LUZP2: variants seen among roughly 807,000 people sequenced by gnomAD.
LUZP2 encodes leucine zipper protein 2.
LUZP2 carries 52 observed loss-of-function variants against 51.6 expected under a neutral mutation model. That is an observed-to-expected ratio of 1.01 (90% confidence interval 0.81 to 1.27). The LOEUF (loss-of-function observed/expected upper bound fraction) is 1.27, where lower values mean the gene tolerates loss of function less well. Ranked by LOEUF, LUZP2 falls within the 50% of genes most tolerant of loss-of-function variation. The pLI, the probability that LUZP2 is intolerant of heterozygous loss-of-function variation, is 0.00. For missense variants in LUZP2, 436 were observed against 395.4 expected (o/e 1.10, Z -0.87); for synonymous variants, 154 against 137.3 (o/e 1.12, Z -0.85).
chr11:24,887,134 C>T (rs1852691872), intron 5 of LUZP2, among the ~76,000 whole-genome samples: 1 of 152,106 alleles, frequency 6.6e-6, no homozygotes, highest in Admixed American at 6.6e-5. Context: ...CGCTATGGAC[C>T]TTGTGTTTTC....
chr11:24,597,119 C>T (rs148242564), intron 1 of LUZP2, among the ~76,000 whole-genome samples: 6 of 151,968 alleles, frequency 3.9e-5, no homozygotes, highest in South Asian at 2.1e-4. Context: ...TTGTGCATTA[C>T]GAAGGAGTAA....
intron 1 of LUZP2, among the ~76,000 whole-genome samples, chr11:24,607,047 T>C (rs2133878387): frequency 6.6e-6 from 1 of 152,190 alleles, no homozygotes; most frequent in South Asian, 2.1e-4. Context: ...TGGATGTTAA[T>C]CTCTTATCAG....
chr11:24,958,450 T>A (rs935113271), intron 7 of LUZP2, among the ~76,000 whole-genome samples: 12 of 152,178 alleles, frequency 7.9e-5, no homozygotes, highest in African/African-American at 2.7e-4. Flanking sequence ...CCATTCTAAC[T>A]GGTGTGAGAT....
chr11:25,023,580 C>A (rs576038313), intron 9 of LUZP2, among the ~76,000 whole-genome samples: 1 of 135,270 alleles, frequency 7.4e-6, no homozygotes, highest in African/African-American at 3.0e-5. Flanking sequence ...TTCAAAAAAA[C>A]CAGCTCCTGG....
intron 5 of LUZP2, 59 bp downstream of exon 5, chr11:24,763,367 A>C (rs1860056140): frequency 2.5e-6 from 2 of 794,760 alleles, no homozygotes; most frequent in Non-Finnish European, 3.7e-6. Context: ...ACATAAATGC[A>C]CATATAAAGT....
chr11:25,051,298 C>G (rs1321797983), intron 10 of LUZP2, among the ~76,000 whole-genome samples: 1 of 148,922 alleles, frequency 6.7e-6, no homozygotes, highest in Non-Finnish European at 1.5e-5. Flanking sequence ...GCCTGGGCGA[C>G]AGAGCGAGAC....
intron 1 of LUZP2, among the ~76,000 whole-genome samples, chr11:24,666,220 G>T (rs1024481499): frequency 3.9e-5 from 6 of 152,094 alleles, no homozygotes; most frequent in African/African-American, 1.4e-4. Context: ...AAGGAAAGTC[G>T]ATCAATGGGA....
At chr11:24,869,153 A>C (rs553824979) in intron 5 of LUZP2, among the ~76,000 whole-genome samples, 4 of 152,284 alleles carry the variant, frequency 2.6e-5, no homozygotes, top group Middle Eastern at 6.8e-3. Context: ...TCTGCTTGAT[A>C]CATACCATCA....
chr11:24,893,502 T>TA, intron 5 of LUZP2, among the ~76,000 whole-genome samples: 1 of 152,206 alleles, frequency 6.6e-6, no homozygotes, highest in Non-Finnish European at 1.5e-5. Flanking sequence ...TTAGGGATAT[T>TA]AAATTTTATT....
At chr11:24,836,723 G>A (rs191344027) in intron 5 of LUZP2, among the ~76,000 whole-genome samples, 21 of 151,876 alleles carry the variant, frequency 1.4e-4, no homozygotes, top group Admixed American at 1.2e-3. Flanking sequence ...ACACACACAA[G>A]GGCTTAGAAT....
chr11:24,672,115 A>G (rs1856418243), intron 1 of LUZP2, among the ~76,000 whole-genome samples: 1 of 152,144 alleles, frequency 6.6e-6, no homozygotes, highest in Non-Finnish European at 1.5e-5. Flanking sequence ...GTTCTATACA[A>G]GTATTGAACC....
At chr11:24,909,623 G>T (rs1853564572) in intron 6 of LUZP2, among the ~76,000 whole-genome samples, 1 of 152,146 alleles carries the variant, frequency 6.6e-6, no homozygotes, top group Admixed American at 6.5e-5. Flanking sequence ...GAAATTGTGA[G>T]AGATTTAATA....
At chr11:25,010,089 C>T (rs1217819220) in intron 9 of LUZP2, among the ~76,000 whole-genome samples, 2 of 152,158 alleles carry the variant, frequency 1.3e-5, no homozygotes, top group Non-Finnish European at 2.9e-5. Context: ...TCCAGAATTT[C>T]CTAGCTTACA....
At chr11:24,827,173 G>T (rs564008490) in intron 5 of LUZP2, among the ~76,000 whole-genome samples, 4 of 152,302 alleles carry the variant, frequency 2.6e-5, no homozygotes, top group South Asian at 4.1e-4. Context: ...GGCATATTCA[G>T]TTGAGGGACC....
intron 7 of LUZP2, among the ~76,000 whole-genome samples, chr11:24,972,153 A>AAC (rs1181925195): frequency 6.6e-6 from 1 of 151,172 alleles, no homozygotes; most frequent in Non-Finnish European, 1.5e-5. Flanking sequence ...AAAAAAAAAA[A>AAC]AAAAAAAAAC....
At chr11:24,920,048 G>A (rs893715555) in intron 7 of LUZP2, among the ~76,000 whole-genome samples, 3 of 151,718 alleles carry the variant, frequency 2.0e-5, no homozygotes, top group African/African-American at 7.3e-5. Flanking sequence ...TTTATTATTG[G>A]ATGGTTTAAA....
At chr11:24,670,376 C>A (rs554334921) in intron 1 of LUZP2, among the ~76,000 whole-genome samples, 5 of 152,110 alleles carry the variant, frequency 3.3e-5, no homozygotes, top group African/African-American at 1.2e-4. Context: ...TGTTGTCATT[C>A]CCATTTTATG....
chr11:24,729,159 T>C lies in LUZP2; in HGVS notation c.63-10T>C. 6.9e-7 allele frequency: 1 copy of C among 1,453,358 alleles called. No individual in the cohort carries two copies. Among genetic ancestry groups the C allele is most frequent in the Non-Finnish European group, 9.3e-7 (1 of 1,077,768 alleles). The allele number at this position is 1,453,358 out of a possible 1,614,324, so 90.0% of individuals were successfully genotyped here. A position where few individuals can be genotyped will look rare whatever the true frequency, so the allele number is the denominator to read the frequency against. ...TTGGGGGGCTCTCATGCCTGTTCTT[T>C]CTGTGTTAGACAGGACTATGAAGAG... is the stretch of plus-strand genomic sequence containing the variant. On this transcript the variant is annotated splice_polypyrimidine_tract_variant and intron_variant, in intron 1 of 11. Transcript: ENST00000336930.
intron 8 of LUZP2, among the ~76,000 whole-genome samples, chr11:24,982,503 C>T (rs1856066878): frequency 6.6e-6 from 1 of 151,720 alleles, no homozygotes; most frequent in African/African-American, 2.4e-5. Flanking sequence ...AAAACTAATG[C>T]AGGTACAGAA....
Sources: gnomAD v4.1 joint callset for allele counts (sites outside exome capture counted in the v4.1 genomes callset) on GRCh38, gnomAD v4.1.1 for gene constraint, MANE v1.5 for transcripts, NCBI Gene and HGNC (gene_info 2026-07-23, HGNC 2026-07-21) for gene names.